Variants in MAGI2 observed in about 807,000 individuals in gnomAD.
The protein encoded by MAGI2 is membrane associated guanylate kinase, WW and PDZ domain containing 2.
In MAGI2, 35 loss-of-function variants were observed where a neutral mutation model predicts 133.3. The ratio of observed to expected loss-of-function variants is 0.26; its 90% CI spans 0.20 to 0.35. The LOEUF is 0.35. MAGI2 is among the 10% of genes least tolerant of loss of function. The pLI is 1.00. For synonymous variants in MAGI2, 729 were observed against 710.6 expected (o/e 1.03, Z -0.41); for missense variants, 1,636 against 1,863.4 (o/e 0.88, Z 2.25).
chr7:78,996,197 C>T (rs1175202031), intron 2 of MAGI2, among the ~76,000 whole-genome samples: 1 of 152,082 alleles, frequency 6.6e-6, no homozygotes, highest in Non-Finnish European at 1.5e-5. Flanking sequence ...ATGCATATAT[C>T]TTACTGATCT....
At chr7:78,875,227 G>A (rs369672202) in intron 2 of MAGI2, among the ~76,000 whole-genome samples, 12 of 152,270 alleles carry the variant, frequency 7.9e-5, no homozygotes, top group African/African-American at 2.9e-4. Flanking sequence ...ATTTCACCAG[G>A]TGAGATCTGA....
chr7:78,845,271 C>A (rs1792492844), intron 2 of MAGI2, among the ~76,000 whole-genome samples: 1 of 151,906 alleles, frequency 6.6e-6, no homozygotes, highest in Admixed American at 6.6e-5. Flanking sequence ...TTTTACAAAT[C>A]TATTACTTTA....
chr7:78,706,682 C>T (rs17383882), intron 2 of MAGI2, among the ~76,000 whole-genome samples: 8,416 of 152,068 alleles, frequency 0.055, 292 homozygotes, highest in Admixed American at 0.11. Flanking sequence ...TTTAAATTAT[C>T]GACTCCTATA....
intron 3 of MAGI2, among the ~76,000 whole-genome samples, chr7:78,561,811 T>C (rs1800435867): frequency 6.6e-6 from 1 of 152,162 alleles, no homozygotes; most frequent in Non-Finnish European, 1.5e-5. Context: ...TTGCAGGGGA[T>C]AGGCTAAAGT....
intron 1 of MAGI2, among the ~76,000 whole-genome samples, chr7:79,329,982 G>T (rs1453310876): frequency 7.2e-5 from 11 of 151,922 alleles, no homozygotes; most frequent in Non-Finnish European, 1.6e-4. Flanking sequence ...CTAAATATAG[G>T]ATTGATTTTA....
intron 1 of MAGI2, among the ~76,000 whole-genome samples, chr7:79,315,247 C>A (rs557206822): frequency 6.6e-6 from 1 of 151,140 alleles, no homozygotes; most frequent in Non-Finnish European, 1.5e-5. Flanking sequence ...CAACCTACAC[C>A]TCTTGGGTTC....
chr7:79,100,465 T>A (rs554491322), intron 1 of MAGI2, among the ~76,000 whole-genome samples: 63 of 151,790 alleles, frequency 4.2e-4, no homozygotes, highest in Admixed American at 5.2e-4. Flanking sequence ...GATTTTTCAA[T>A]CAGGTTAATG....
chr7:78,774,120 G>A (rs1453711672), intron 2 of MAGI2, among the ~76,000 whole-genome samples: 3 of 152,162 alleles, frequency 2.0e-5, no homozygotes, highest in Non-Finnish European at 4.4e-5. Flanking sequence ...CACCTGTAGA[G>A]ATTTTAACCA....
intron 1 of MAGI2, among the ~76,000 whole-genome samples, chr7:79,314,843 G>A (rs1233868751): frequency 6.6e-6 from 1 of 152,134 alleles, no homozygotes; most frequent in East Asian, 1.9e-4. Context: ...TTTTAGCTAT[G>A]GGACCTCTTG....
At chr7:78,375,390 T>C (rs937364385) in intron 6 of MAGI2, among the ~76,000 whole-genome samples, 2 of 151,972 alleles carry the variant, frequency 1.3e-5, no homozygotes, top group Non-Finnish European at 2.9e-5. Flanking sequence ...AAAGCATTGG[T>C]TATGTAAATT....
chr7:78,476,996 C>A (rs767129358), intron 6 of MAGI2, among the ~76,000 whole-genome samples: 3 of 151,900 alleles, frequency 2.0e-5, no homozygotes, highest in Admixed American at 6.6e-5. Context: ...GAAATCAGAT[C>A]GTCTCACTTC....
At chr7:79,125,838 G>T (rs1820361948) in intron 1 of MAGI2, 1 of 484,568 alleles carries the variant, frequency 2.1e-6, no homozygotes, top group Non-Finnish European at 4.1e-6. Flanking sequence ...AGGAAACAAA[G>T]CTTAGCAGAA....
intron 2 of MAGI2, among the ~76,000 whole-genome samples, chr7:78,885,261 A>T (rs1796171484): frequency 6.6e-6 from 1 of 152,160 alleles, no homozygotes; most frequent in Non-Finnish European, 1.5e-5. Context: ...GCATCAGGAG[A>T]TATACTCATG....
At chr7:79,403,347 G>A (rs970636668) in intron 1 of MAGI2, among the ~76,000 whole-genome samples, 1 of 151,984 alleles carries the variant, frequency 6.6e-6, no homozygotes, top group Non-Finnish European at 1.5e-5. Context: ...CAATATATCA[G>A]CTGTTAGTTT....
At chr7:78,679,878 C>G (rs1815466440) in intron 2 of MAGI2, among the ~76,000 whole-genome samples, 1 of 152,130 alleles carries the variant, frequency 6.6e-6, no homozygotes, top group African/African-American at 2.4e-5. Flanking sequence ...TTGCCCACCA[C>G]AGAGGCAATC....
intron 2 of MAGI2, among the ~76,000 whole-genome samples, chr7:78,725,911 G>C (rs1373360789): frequency 6.6e-6 from 1 of 152,156 alleles, no homozygotes; most frequent in African/African-American, 2.4e-5. Context: ...GTACTGGATA[G>C]TCGTTATACT....
intron 6 of MAGI2, among the ~76,000 whole-genome samples, chr7:78,463,242 GGA>G (rs1349333719): frequency 6.6e-6 from 1 of 152,228 alleles, no homozygotes; most frequent in Non-Finnish European, 1.5e-5. Flanking sequence ...CACGAAAGCA[GGA>G]GAGACACCAA....
intron 1 of MAGI2, among the ~76,000 whole-genome samples, chr7:79,025,005 A>T (rs1392410198): frequency 6.6e-6 from 1 of 152,164 alleles, no homozygotes; most frequent in East Asian, 1.9e-4. Context: ...ATTATTCAGT[A>T]TATACCCAAA....
At chr7:79,439,105 CA>C (rs1253688371) in intron 1 of MAGI2, among the ~76,000 whole-genome samples, 2 of 151,982 alleles carry the variant, frequency 1.3e-5, no homozygotes, top group Admixed American at 6.6e-5. Context: ...CCTACACAGG[CA>C]GATCATCTTT....
Sources: allele counts gnomAD v4.1 joint callset (sites outside exome capture counted in the v4.1 genomes callset), GRCh38; gene constraint gnomAD v4.1.1; transcripts MANE v1.5; gene names NCBI Gene and HGNC (gene_info 2026-07-23, HGNC 2026-07-21).